The following ZNF93 variants were observed in gnomAD, a reference collection of about 807,000 sequenced individuals.
The protein encoded by ZNF93 is zinc finger protein 93.
In ZNF93, 29 loss-of-function variants were observed where a neutral mutation model predicts 45.0. The ratio of observed to expected loss-of-function variants is 0.64; its 90% confidence interval spans 0.48 to 0.88. The LOEUF is 0.88. Among genes scored for constraint, ZNF93 ranks in the 40% least tolerant of loss-of-function variants. The pLI, the probability that ZNF93 is intolerant of heterozygous loss-of-function variation, is 0.00. For synonymous variants in ZNF93, 223 were observed against 244.6 expected, an observed-to-expected ratio of 0.91 and a Z score of 0.82; for missense variants, 578 against 724.0, an observed-to-expected ratio of 0.80 and a Z score of 2.31.
rs376880015 is a variant in ZNF93 at position 19,933,949 on chromosome 19, A to G, written c.994A>G (p.Lys332Glu). 1.2e-6 allele frequency: 2 copies of G among 1,612,266 alleles called. No individual in the cohort carries two copies. The highest frequency in any genetic ancestry group is 8.5e-7 in the Non-Finnish European group (1 of 1,179,360). ...FKYSRILTTH[K>E]RIHTGEKPYK... ...GTACTCCCGTATCCTTACTACACAT[A>G]AGAGAATTCATACTGGAGAGAAACC... Residue 332 changes from lysine to glutamate, a missense_variant, in exon 4 of 4, where the codon AAG becomes GAG. Physicochemically the swap from Lys to Glu is moderately conservative, Grantham distance 56. This residue lies in a region of ZNF93 where 446 missense variants were observed against 547.6 expected (regional missense o/e 0.81). Coordinates refer to ENST00000343769, the MANE Select transcript of ZNF93 (RefSeq NM_031218.4).
intron 1 of ZNF93, among the ~76,000 whole-genome samples, chr19:19,914,103 T>A (rs6511058): frequency 0.44 from 66,304 of 152,110 alleles, 19,400 homozygotes; most frequent in African/African-American, 0.82. Context: ...ATGATCCACA[T>A]TATTAAAAAT....
At chr19:19,929,892 C>T (rs1258978745) in intron 3 of ZNF93, among the ~76,000 whole-genome samples, 3 of 138,436 alleles carry the variant, frequency 2.2e-5, no homozygotes, top group Non-Finnish European at 4.6e-5. Flanking sequence ...GAGCCGAGAT[C>T]GCGCCACTGC....
At chr19:19,926,743 C>T (rs2063357312) in intron 3 of ZNF93, among the ~76,000 whole-genome samples, 1 of 152,062 alleles carries the variant, frequency 6.6e-6, no homozygotes, top group Middle Eastern at 3.2e-3. Flanking sequence ...TGTTGGTACA[C>T]TTTAAGTCAA....
intron 3 of ZNF93, among the ~76,000 whole-genome samples, chr19:19,930,202 G>C (rs1490386708): frequency 9.4e-6 from 1 of 106,784 alleles, no homozygotes; most frequent in African/African-American, 8.3e-5. Context: ...AGCCAAGGCA[G>C]AGAGAGAGAG....
In ZNF93 at chr19:19,902,887, C is replaced by T. The variant is rs148655144; in HGVS notation, c.3+1796C>T. Among the ~76,000 whole-genome samples the T allele has an allele frequency of 5.5e-3, 837 of 152,018 alleles. 10 individuals are homozygous for T. The highest frequency in any genetic ancestry group is 0.019 in the African/African-American group (804 of 41,486). On this transcript the variant is annotated intron_variant, in intron 1 of 3. Transcript: ENST00000343769. ...GAGTAGCTGGGACTACAGGCACCCA[C>T]CACCACGCCCGGCTAATTAAAAAAA... is the stretch of plus-strand genomic sequence containing the variant.
chr19:19,926,974 A>T (rs896186603), intron 3 of ZNF93: 11 of 392,580 alleles, frequency 2.8e-5, no homozygotes, highest in Non-Finnish European at 4.9e-5. Context: ...TGTGAAAGAA[A>T]CACTTTTGTG....
intron 1 of ZNF93, among the ~76,000 whole-genome samples, chr19:19,910,883 T>C (rs548570483): frequency 1.3e-5 from 2 of 152,164 alleles, no homozygotes; most frequent in Non-Finnish European, 2.9e-5. Flanking sequence ...ATTTTCTGCA[T>C]TGTGAATGTA....
intron 3 of ZNF93, among the ~76,000 whole-genome samples, chr19:19,924,859 G>A (rs972708595): frequency 2.6e-5 from 4 of 152,160 alleles, no homozygotes; most frequent in African/African-American, 9.6e-5. Flanking sequence ...CCAAAGTGCT[G>A]GAATTACAGG....
intron 3 of ZNF93, among the ~76,000 whole-genome samples, chr19:19,923,040 T>A (rs2063346241): frequency 6.6e-6 from 1 of 152,220 alleles, no homozygotes; most frequent in East Asian, 1.9e-4. Context: ...GTTTTTCTGC[T>A]CTGTTTTTCC....
chr19:19,920,663 T>C (rs1418021476), intron 3 of ZNF93, among the ~76,000 whole-genome samples: 2 of 152,186 alleles, frequency 1.3e-5, no homozygotes, highest in East Asian at 3.8e-4. Flanking sequence ...TCTTCCTGGT[T>C]TAGTCTTGGG....
chr19:19,930,558 C>G (rs552564890), intron 3 of ZNF93, among the ~76,000 whole-genome samples: 2 of 140,342 alleles, frequency 1.4e-5, no homozygotes, highest in African/African-American at 5.2e-5. Context: ...TGCTAGGCAA[C>G]GGGCGTCTTC....
intron 1 of ZNF93, among the ~76,000 whole-genome samples, chr19:19,902,566 T>TTTA (rs2063276845): frequency 1.3e-5 from 2 of 148,374 alleles, no homozygotes; most frequent in Non-Finnish European, 3.0e-5. Flanking sequence ...CCAACAGGAG[T>TTTA]TTATAAAGTC....
chr19:19,923,326 T>C (rs1485942157), intron 3 of ZNF93, among the ~76,000 whole-genome samples: 1 of 152,132 alleles, frequency 6.6e-6, no homozygotes, highest in East Asian at 1.9e-4. Context: ...TACCCGGCCG[T>C]GTGAGGTGTC....
intron 1 of ZNF93, 67 bp from the exon 2 acceptor site, chr19:19,915,213 C>A: frequency 6.2e-7 from 1 of 1,609,968 alleles, no homozygotes; most frequent in East Asian, 2.2e-5. Flanking sequence ...TCTCTCATTT[C>A]ACCTTAAGTA....
At chr19:19,930,985 C>T (rs557925639) in intron 3 of ZNF93, among the ~76,000 whole-genome samples, 28 of 151,904 alleles carry the variant, frequency 1.8e-4, no homozygotes, top group African/African-American at 6.8e-4. Context: ...GACCACCTTA[C>T]TCAATTGTGG....
In ZNF93 at chr19:19,900,965, G is replaced by A; in HGVS notation, c.-124G>A. 2 of 1,489,530 alleles carry A rather than the reference G, an allele frequency of 1.3e-6. No individual in the cohort carries two copies. The highest frequency in any genetic ancestry group is 9.3e-7 in the Non-Finnish European group (1 of 1,077,810). 92.3% of individuals were successfully genotyped at this position (1,489,530 alleles called of 1,614,324 possible). ...TCCTTTGTCTCTCGGTGCAGCCGGAGCTCCAGGTCTCCTCTTCACTACTCT... is the reference window on the plus strand; with the variant it reads ...TCCTTTGTCTCTCGGTGCAGCCGGAACTCCAGGTCTCCTCTTCACTACTCT... On this transcript the variant is annotated 5_prime_UTR_variant, in exon 1 of 4. Transcript: ENST00000343769.
chr19:19,922,506 TCTC>T (rs1392104527), intron 3 of ZNF93, among the ~76,000 whole-genome samples: 3 of 152,234 alleles, frequency 2.0e-5, no homozygotes, highest in Non-Finnish European at 4.4e-5. Flanking sequence ...TTGGGGAAGT[TCTC>T]CTGGATAATA....
chr19:19,906,625 T>C (rs2063293603), intron 1 of ZNF93, among the ~76,000 whole-genome samples: 1 of 152,184 alleles, frequency 6.6e-6, no homozygotes, highest in Non-Finnish European at 1.5e-5. Flanking sequence ...AGAATGGTAT[T>C]TCCTAGTTAT....
intron 3 of ZNF93, among the ~76,000 whole-genome samples, chr19:19,924,553 C>T (rs1467787474): frequency 6.6e-6 from 1 of 151,804 alleles, no homozygotes; most frequent in Non-Finnish European, 1.5e-5. Context: ...GAAGCATTTC[C>T]TCAGGTAACT....
Sources: allele counts gnomAD v4.1 joint callset (sites outside exome capture counted in the v4.1 genomes callset), GRCh38; gene constraint gnomAD v4.1.1; regional missense constraint gnomAD v4.1.1; transcripts MANE v1.5; gene names NCBI Gene and HGNC (gene_info 2026-07-23, HGNC 2026-07-21).